Variants in ELMOD1 observed in about 807,000 individuals in gnomAD.
ELMOD1 encodes ELMO domain-containing protein 1.
In ELMOD1, 21 loss-of-function variants were observed where a neutral mutation model predicts 46.7. The observed-to-expected ratio is 0.45, with a 90% CI of 0.32 to 0.65. ELMOD1 has a LOEUF of 0.65. Among genes scored for constraint, ELMOD1 ranks in the 30% least tolerant of loss-of-function variants. ELMOD1 has a pLI of 0.04. For missense variants in ELMOD1, 348 were observed against 407.8 expected (o/e 0.85, Z 1.26); for synonymous variants, 122 against 138.2 (o/e 0.88, Z 0.82).
intron 1 of ELMOD1, among the ~76,000 whole-genome samples, chr11:107,594,649 AAGT>A (rs1436208653): frequency 2.0e-5 from 3 of 152,222 alleles, no homozygotes; most frequent in African/African-American, 7.2e-5. Context: ...AATTATATAA[AAGT>A]AGATAATTAA....
intron 1 of ELMOD1, among the ~76,000 whole-genome samples, chr11:107,615,083 T>C (rs950868392): frequency 1.3e-5 from 2 of 152,132 alleles, no homozygotes; most frequent in African/African-American, 4.8e-5. Context: ...TTGTTTACCC[T>C]ATAGTATCCC....
intron 1 of ELMOD1, among the ~76,000 whole-genome samples, chr11:107,604,436 A>T (rs1865654040): frequency 6.6e-6 from 1 of 152,254 alleles, no homozygotes; most frequent in South Asian, 2.1e-4. Flanking sequence ...GCAGGTCATT[A>T]GTACTCATTT....
At chr11:107,591,521 A>G in intron 1 of ELMOD1, 112 bp downstream of exon 1, 2 of 241,184 alleles carry the variant, frequency 8.3e-6, no homozygotes, top group South Asian at 4.4e-5. Context: ...CCTGGGAGGC[A>G]GCAGAAATGC....
rs377097238 is a variant in ELMOD1, at chr11:107,630,483, G to A, written c.84G>A (p.Met28Ile). The change falls in exon 3 of 12, where the codon ATG (methionine) becomes ATA (isoleucine). Residue 28 changes from methionine to isoleucine, a missense_variant. Coordinates refer to ENST00000265840, the MANE Select transcript of ELMOD1 (RefSeq NM_018712.4). ...TGTGGCGCTGCCTGAAATTTGTAAT[G>A]AGGAAGCTAACTGGAAGATGTGAAC... ...KFLWRCLKFVMRKLTGRCELQ... is the reference protein window; with the variant it reads ...KFLWRCLKFVIRKLTGRCELQ... 6.2e-7 allele frequency: 1 copy of A among 1,608,250 alleles called. No individual in the cohort carries two copies. Among genetic ancestry groups the A allele is most frequent in the Non-Finnish European group, 8.5e-7 (1 of 1,177,078 alleles).
intron 1 of ELMOD1, among the ~76,000 whole-genome samples, chr11:107,604,632 A>G (rs1409473245): frequency 4.6e-5 from 7 of 152,220 alleles, no homozygotes; most frequent in Admixed American, 4.6e-4. Flanking sequence ...ATAATGGTGA[A>G]TTCTACCATT....
At chr11:107,640,527 G>A (rs1169123401) in intron 6 of ELMOD1, among the ~76,000 whole-genome samples, 1 of 151,898 alleles carries the variant, frequency 6.6e-6, no homozygotes, top group Non-Finnish European at 1.5e-5. Flanking sequence ...GGTATACTAC[G>A]AGTCCCACAT....
intron 6 of ELMOD1, chr11:107,643,437 A>T (rs541388523): frequency 5.8e-5 from 14 of 239,688 alleles, no homozygotes; most frequent in South Asian, 5.7e-4. Flanking sequence ...AAGTTTTGCT[A>T]TAGATGATTC....
intron 1 of ELMOD1, among the ~76,000 whole-genome samples, chr11:107,592,152 A>C (rs542650): frequency 0.71 from 107,905 of 151,946 alleles, 38,977 homozygotes; most frequent in African/African-American, 0.84. Context: ...CTCAGTGTTT[A>C]TGCTCAACCT....
chr11:107,661,804 A>G (rs1481342969), intron 11 of ELMOD1, among the ~76,000 whole-genome samples: 2 of 152,216 alleles, frequency 1.3e-5, no homozygotes. Flanking sequence ...TGCATTTTTT[A>G]ACAAGTACCG....
At chr11:107,615,423 C>T (rs554135817) in intron 1 of ELMOD1, among the ~76,000 whole-genome samples, 7 of 151,698 alleles carry the variant, frequency 4.6e-5, no homozygotes, top group East Asian at 1.9e-4. Context: ...TTAGTAGAGA[C>T]GGGGTTTCAC....
rs749440963 is a variant in ELMOD1 at position 107,647,631 on chromosome 11, C to A, written c.554+30C>A. On this transcript the variant is annotated intron_variant, in intron 7 of 11. Coordinates refer to ENST00000265840, the MANE Select transcript of ELMOD1 (RefSeq NM_018712.4). ...GTAAAATGAAGGACAGCTAAGTGTT[C>A]GAGTGATGTTTTGGTCTCCTCATAC... The A allele has an allele frequency of 5.6e-6, 9 of 1,601,770 alleles. No individual in the cohort carries two copies. In the African/African-American group the frequency reaches 1.2e-4, roughly 22 times the overall value.
At chr11:107,635,555 C>A in intron 5 of ELMOD1, 81 bp from the exon 6 acceptor site, 1 of 1,383,104 alleles carries the variant, frequency 7.2e-7, no homozygotes, top group South Asian at 1.4e-5. Context: ...AAAGTTCTAT[C>A]ATGCATACAT....
At chr11:107,618,880 T>C (rs1865903022) in intron 2 of ELMOD1, among the ~76,000 whole-genome samples, 1 of 152,204 alleles carries the variant, frequency 6.6e-6, no homozygotes, top group Non-Finnish European at 1.5e-5. Flanking sequence ...AATTCCCAGA[T>C]AAATTTTGCA....
rs1271575560 is a variant in ELMOD1, at chr11:107,634,356, C to T, written c.291-1280C>T. ...AATGATCCTCTGTGTGTTACAGTTG[C>T]CAGATTGTTTTCTGTTCTAGTGATA... On this transcript the variant is annotated intron_variant, in intron 5 of 11. Transcript: ENST00000265840. Among the ~76,000 whole-genome samples the T allele has an allele frequency of 1.5e-4, 23 of 152,248 alleles. No homozygotes were observed. In the East Asian group the frequency reaches 4.1e-3, roughly 27 times the overall value.
chr11:107,592,356 T>G (rs961563936), intron 1 of ELMOD1: 3 of 534,150 alleles, frequency 5.6e-6, no homozygotes, highest in Non-Finnish European at 7.7e-6. Flanking sequence ...GGCCGTAGAT[T>G]GGTACTATCA....
chr11:107,649,474 A>G (rs1866488146), intron 7 of ELMOD1, among the ~76,000 whole-genome samples: 1 of 152,208 alleles, frequency 6.6e-6, no homozygotes, highest in South Asian at 2.1e-4. Context: ...TATTCTCTAT[A>G]AGGTTATTTG....
At chr11:107,634,636 G>C (rs79838716) in intron 5 of ELMOD1, among the ~76,000 whole-genome samples, 1,782 of 152,276 alleles carry the variant, frequency 0.012, 27 homozygotes, top group African/African-American at 0.039. Flanking sequence ...AGCTATTCGG[G>C]AGGCTAGGGC....
Position 107,626,658 on chromosome 11 carries a change from T to TTCTTTCCCTCTC in ELMOD1, c.18-3753_18-3752insCCTCTCTCTTTC, listed in dbSNP as rs1188132195. Among the ~76,000 whole-genome samples, 5 of 126,406 alleles carry TTCTTTCCCTCTC rather than the reference T, an allele frequency of 4.0e-5. No individual in the cohort carries two copies. In the East Asian group the frequency reaches 1.0e-3, roughly 25 times the overall value. The allele number at this position is 126,406 out of a possible 152,430, so 82.9% of individuals were successfully genotyped here. ...TCTTTCCCTCTCTCTTTCTTTCTTTTTCTTTCTTTCTTTCTTTCCTAAACA... is the reference window on the plus strand; with the variant it reads ...TCTTTCCCTCTCTCTTTCTTTCTTTTTCTTTCCCTCTCTCTTTCTTTCTTTCTTTCCTAAACA... On this transcript the variant is annotated intron_variant, in intron 2 of 11. Transcript: ENST00000265840.
chr11:107,609,132 G>C (rs1265584528), intron 1 of ELMOD1, among the ~76,000 whole-genome samples: 1 of 152,204 alleles, frequency 6.6e-6, no homozygotes, highest in African/African-American at 2.4e-5. Context: ...AAGATTAAGT[G>C]AGTTAATACT....
Sources: allele counts gnomAD v4.1 joint callset (sites outside exome capture counted in the v4.1 genomes callset), GRCh38; gene constraint gnomAD v4.1.1; transcripts MANE v1.5; gene names NCBI Gene and HGNC (gene_info 2026-07-23, HGNC 2026-07-21).